Variants in ZNF608 observed in about 807,000 individuals in gnomAD.
ZNF608 encodes the protein zinc finger protein 608.
ZNF608 carries 12 observed loss-of-function variants against 109.0 expected under a neutral mutation model. That is an observed-to-expected ratio of 0.11 (90% confidence interval 0.07 to 0.18). The LOEUF is 0.18. Among genes scored for constraint, ZNF608 ranks in the 10% least tolerant of loss-of-function variants. ZNF608 has a pLI of 1.00. For missense variants in ZNF608, 1,707 were observed against 1,879.3 expected (o/e 0.91, Z 1.70); for synonymous variants, 732 against 717.4 (o/e 1.02, Z -0.33).
At chr5:124,731,491 G>A (rs768725197) in intron 2 of ZNF608, among the ~76,000 whole-genome samples, 14 of 152,110 alleles carry the variant, frequency 9.2e-5, no homozygotes, top group Admixed American at 3.3e-4. Context: ...GATTACAGGC[G>A]TGAGCCACCG....
At chr5:124,734,018 G>A (rs1749030580) in intron 2 of ZNF608, among the ~76,000 whole-genome samples, 1 of 152,002 alleles carries the variant, frequency 6.6e-6, no homozygotes, top group Admixed American at 6.5e-5. Context: ...TGATAAAGAT[G>A]TTTAAAAAAA....
At position 124,746,375 on chromosome 5, in the gene ZNF608, C is replaced by T. The variant is rs548597737; in HGVS notation, c.-364G>A. ...TAACATTATTCCACCTCCCCACCCC[C>T]CTTTTGGCAAACGAATCAGTCCTTT... On this transcript the variant is annotated 5_prime_UTR_variant, in exon 1 of 10. Transcript: ENST00000513986. 4 of 985,262 alleles carry T rather than the reference C, an allele frequency of 4.1e-6. No individual in the cohort carries two copies. Among genetic ancestry groups the T allele is most frequent in the Admixed American group, 6.2e-5 (1 of 16,260 alleles). 61.0% of individuals were successfully genotyped at this position (985,262 alleles called of 1,614,324 possible).
chr5:124,709,302 G>T (rs1298117979), intron 2 of ZNF608, among the ~76,000 whole-genome samples: 3 of 151,482 alleles, frequency 2.0e-5, no homozygotes, highest in Non-Finnish European at 4.4e-5. Flanking sequence ...CACAAAGCAA[G>T]AGAATGTACA....
At position 124,637,791 on chromosome 5, in the gene ZNF608, G is replaced by T. The variant is rs1330567128; in HGVS notation, c.*109C>A. 4.4e-6 allele frequency: 5 copies of T among 1,129,386 alleles called. No homozygotes were observed. The highest frequency in any genetic ancestry group is 6.4e-6 in the Non-Finnish European group (5 of 784,812). 70.0% of individuals were successfully genotyped at this position (1,129,386 alleles called of 1,614,324 possible). A position where few individuals can be genotyped will look rare whatever the true frequency, so the allele number is the denominator to read the frequency against. On this transcript the variant is annotated 3_prime_UTR_variant, in exon 10 of 10. Coordinates refer to ENST00000513986, the MANE Select transcript of ZNF608 (RefSeq NM_020747.3). ...GTAATTTACAAAAATGAAATGACTG[G>T]TTTTTGCCTGCCATTAAGGCATTTC...
chr5:124,705,986 C>A (rs1753243940), intron 2 of ZNF608, among the ~76,000 whole-genome samples: 1 of 152,230 alleles, frequency 6.6e-6, no homozygotes, highest in South Asian at 2.1e-4. Flanking sequence ...CCAAACAGAC[C>A]AGGTCCCTGC....
intron 2 of ZNF608, among the ~76,000 whole-genome samples, chr5:124,741,438 C>A (rs1749395659): frequency 6.6e-6 from 1 of 150,994 alleles, no homozygotes; most frequent in East Asian, 1.9e-4. Flanking sequence ...CACATACACT[C>A]CCCCCTTTGG....
At chr5:124,719,037 C>T (rs545412682) in intron 2 of ZNF608, among the ~76,000 whole-genome samples, 4 of 152,238 alleles carry the variant, frequency 2.6e-5, no homozygotes, top group East Asian at 1.9e-4. Flanking sequence ...ACTACTAGTA[C>T]GGACCTGCAC....
chr5:124,661,727 A>G (rs1300376005), intron 3 of ZNF608, among the ~76,000 whole-genome samples: 4 of 152,076 alleles, frequency 2.6e-5, no homozygotes, highest in Admixed American at 6.5e-5. Flanking sequence ...GTCTATTTCT[A>G]TATACTCTGT....
chr5:124,711,052 C>T (rs544688680), intron 2 of ZNF608, among the ~76,000 whole-genome samples: 1 of 152,298 alleles, frequency 6.6e-6, no homozygotes, highest in African/African-American at 2.4e-5. Flanking sequence ...AAACAAGAGG[C>T]CACAGCCTGT....
At chr5:124,651,262 G>T (rs944497362) in intron 3 of ZNF608, among the ~76,000 whole-genome samples, 2 of 152,052 alleles carry the variant, frequency 1.3e-5, no homozygotes, top group Admixed American at 6.5e-5. Context: ...GTCAAAATCT[G>T]CACAAGACAG....
rs763530358 is a variant in ZNF608 at position 124,648,533 on chromosome 5, A to C, written c.1851T>G (p.Ser617=). The part of the protein sequence containing the change: ...LECSEPSTSV[S]AYDQLKAPAS... ...CCGGTGCCTTCAACTGGTCATAAGCAGATACACTTGTGCTTGGCTCACTGC... is the reference window on the plus strand; with the variant it reads ...CCGGTGCCTTCAACTGGTCATAAGCCGATACACTTGTGCTTGGCTCACTGC... The change falls in exon 5 of 10, where the codon TCT becomes TCG. Residue 617 remains serine, a synonymous_variant. Transcript: ENST00000513986. 6.8e-6 allele frequency: 11 copies of C among 1,614,100 alleles called. No individual in the cohort carries two copies. The highest frequency in any genetic ancestry group is 1.7e-5 in the Admixed American group (1 of 60,010).
intron 5 of ZNF608, among the ~76,000 whole-genome samples, chr5:124,646,267 A>C (rs377263193): frequency 1.3e-5 from 2 of 152,180 alleles, no homozygotes; most frequent in East Asian, 3.9e-4. Context: ...AGGCTGACGC[A>C]GGAGAATCGC....
intron 3 of ZNF608, among the ~76,000 whole-genome samples, chr5:124,698,239 G>T (rs1033318883): frequency 6.6e-6 from 1 of 152,156 alleles, no homozygotes; most frequent in Non-Finnish European, 1.5e-5. Flanking sequence ...GGTCAAGTGG[G>T]TTTAATTTTT....
At chr5:124,667,727 C>A (rs760031956) in intron 3 of ZNF608, among the ~76,000 whole-genome samples, 1 of 152,168 alleles carries the variant, frequency 6.6e-6, no homozygotes, top group Admixed American at 6.5e-5. Context: ...CTCTTTTAAT[C>A]CTCCTAACCA....
In ZNF608 at chr5:124,644,653, A is replaced by C; in HGVS notation, c.3714T>G (p.Asp1238Glu). 1 of 1,536,882 alleles carries C rather than the reference A, an allele frequency of 6.5e-7. No individual in the cohort carries two copies. Among genetic ancestry groups the C allele is most frequent in the Non-Finnish European group, 8.7e-7 (1 of 1,143,180 alleles). The change falls in exon 6 of 10, where the codon GAT becomes GAG. Residue 1238 changes from aspartate (D) to glutamate (E), a missense_variant. Physicochemically the swap from Asp to Glu is conservative, Grantham distance 45 (BLOSUM62 2). Coordinates refer to ENST00000513986, the MANE Select transcript of ZNF608 (RefSeq NM_020747.3). ...DPTSRFKQDPDSRTWHHYVYQ... is the reference protein window; with the variant it reads ...DPTSRFKQDPESRTWHHYVYQ... The stretch of plus-strand genomic sequence containing the variant: ...ATACATAATGATGCCATGTTCTTGA[A>C]TCTGGGTCCTGATTTTTTTGTTTTA...
At chr5:124,662,822 C>A (rs1448978595) in intron 3 of ZNF608, among the ~76,000 whole-genome samples, 1 of 152,066 alleles carries the variant, frequency 6.6e-6, no homozygotes, top group East Asian at 1.9e-4. Context: ...GACACACACA[C>A]ACACACAGAC....
intron 3 of ZNF608, among the ~76,000 whole-genome samples, chr5:124,657,678 AAAACAAAC>A (rs1354699426): frequency 2.0e-5 from 3 of 152,126 alleles, no homozygotes; most frequent in African/African-American, 4.8e-5. Context: ...CCATCTCAAA[AAAACAAAC>A]AAACAAACAA....
chr5:124,714,012 T>C (rs1753599071), intron 2 of ZNF608, among the ~76,000 whole-genome samples: 1 of 152,190 alleles, frequency 6.6e-6, no homozygotes, highest in South Asian at 2.1e-4. Flanking sequence ...AGTCATAACA[T>C]AAAACATTAA....
intron 2 of ZNF608, chr5:124,735,261 G>A (rs931770107): frequency 7.9e-5 from 12 of 152,268 alleles, no homozygotes; most frequent in African/African-American, 2.9e-4. Context: ...TGTCAAACTA[G>A]AAGCTGGAGC....
Sources: gnomAD v4.1 joint callset for allele counts (sites outside exome capture counted in the v4.1 genomes callset) on GRCh38, gnomAD v4.1.1 for gene constraint, MANE v1.5 for transcripts, NCBI Gene and HGNC (gene_info 2026-07-23, HGNC 2026-07-21) for gene names.